The following AGBL4 variants were observed in gnomAD, a reference collection of about 807,000 sequenced individuals.
AGBL4 encodes AGBL carboxypeptidase 4.
A neutral mutation model predicts 66.4 loss-of-function variants in AGBL4; 58 were observed. The ratio of observed to expected loss-of-function variants is 0.87; its 90% CI spans 0.71 to 1.09. The LOEUF is 1.09. Among genes scored for constraint, AGBL4 ranks in the 50% least tolerant of loss-of-function variants. The pLI is 0.00. For synonymous variants in AGBL4, 234 were observed against 222.9 expected (o/e 1.05, Z -0.44); for missense variants, 579 against 631.0 (o/e 0.92, Z 0.88).
chr1:49,162,803 T>C (rs985460775), intron 4 of AGBL4, among the ~76,000 whole-genome samples: 1 of 152,196 alleles, frequency 6.6e-6, no homozygotes, highest in Non-Finnish European at 1.5e-5. Context: ...GTCCTCAATA[T>C]AATTGTGAGA....
At position 48,736,488 on chromosome 1, in the gene AGBL4, C is replaced by T. The variant is rs145843040; in HGVS notation, c.635-73247G>A. 370 of 1,579,052 alleles carry T rather than the reference C, an allele frequency of 2.3e-4. No individual in the cohort carries two copies. In the East Asian group the frequency reaches 3.3e-3, roughly 14 times the overall value. ...TAAGAACACCAGCACCTGTTTAGTC[C>T]GACAGGAGGGCAGTGGGAGGCTTCT... On this transcript the variant is annotated intron_variant, in intron 6 of 13. Transcript: ENST00000371839. The surrounding 1 kb of genome is among the most constrained non-coding windows in gnomAD (Gnocchi z 4.0).
rs543645975 is a variant in AGBL4, at chr1:49,583,246, T to C, written c.282+114067A>G. On this transcript the variant is annotated intron_variant, in intron 3 of 13. Transcript: ENST00000371839. Reference sequence around the variant, plus strand: ...TATGGGGCTTTAAGAGCTTCTGGGATGGTGAACATATCCACATACTAAGAG... The same window carrying C: ...TATGGGGCTTTAAGAGCTTCTGGGACGGTGAACATATCCACATACTAAGAG... Among the ~76,000 whole-genome samples the C allele has an allele frequency of 8.1e-4, 124 of 152,290 alleles. 1 individual carries two copies. Among genetic ancestry groups the C allele is most frequent in the African/African-American group, 2.9e-3 (122 of 41,572 alleles).
At chr1:48,643,723 G>A (rs896417781) in intron 8 of AGBL4, among the ~76,000 whole-genome samples, 16 of 152,164 alleles carry the variant, frequency 1.1e-4, no homozygotes, top group African/African-American at 1.7e-4. Context: ...CCATTCCCTC[G>A]TTTTCTCTTC....
chr1:49,659,179 G>C (rs2124483728), intron 3 of AGBL4, among the ~76,000 whole-genome samples: 1 of 151,978 alleles, frequency 6.6e-6, no homozygotes, highest in Admixed American at 6.6e-5. Flanking sequence ...AATATGGAAA[G>C]GAAATACCAT....
intron 2 of AGBL4, among the ~76,000 whole-genome samples, chr1:49,792,227 A>G (rs1644618574): frequency 6.6e-6 from 1 of 152,050 alleles, no homozygotes; most frequent in Non-Finnish European, 1.5e-5. Flanking sequence ...TCAGCAACTT[A>G]TAGATTTATT....
intron 4 of AGBL4, among the ~76,000 whole-genome samples, chr1:49,064,632 T>A (rs1644460936): frequency 6.6e-6 from 1 of 152,136 alleles, no homozygotes; most frequent in African/African-American, 2.4e-5. Flanking sequence ...TCTTACAAAT[T>A]AAAGAAATTG....
intron 4 of AGBL4, among the ~76,000 whole-genome samples, chr1:49,148,876 T>A (rs1048969363): frequency 6.6e-6 from 1 of 152,214 alleles, no homozygotes; most frequent in Non-Finnish European, 1.5e-5. Flanking sequence ...ATAAGATAGA[T>A]GCCTGGGTAA....
intron 3 of AGBL4, among the ~76,000 whole-genome samples, chr1:49,488,356 A>G (rs1430539067): frequency 6.6e-6 from 1 of 151,386 alleles, no homozygotes; most frequent in Non-Finnish European, 1.5e-5. Flanking sequence ...TGTATGATTC[A>G]TTCTAATAGT....
At chr1:49,693,616 G>A (rs1310948505) in intron 3 of AGBL4, among the ~76,000 whole-genome samples, 1 of 151,576 alleles carries the variant, frequency 6.6e-6, no homozygotes, top group Non-Finnish European at 1.5e-5. Context: ...TGTGTGGGGG[G>A]GTGCTTTTTC....
intron 1 of AGBL4, among the ~76,000 whole-genome samples, chr1:49,974,926 A>T (rs1214087561): frequency 6.6e-6 from 1 of 152,210 alleles, no homozygotes; most frequent in East Asian, 1.9e-4. Flanking sequence ...ATAAATATGC[A>T]GGAAATATTT....
intron 3 of AGBL4, among the ~76,000 whole-genome samples, chr1:49,317,303 C>G (rs1271386275): frequency 3.3e-5 from 5 of 151,818 alleles, no homozygotes; most frequent in Admixed American, 3.3e-4. Flanking sequence ...ATACCTCGAG[C>G]TATTTACTTT....
At chr1:49,680,561 T>C (rs958128359) in intron 3 of AGBL4, among the ~76,000 whole-genome samples, 6 of 152,128 alleles carry the variant, frequency 3.9e-5, no homozygotes, top group Non-Finnish European at 8.8e-5. Flanking sequence ...TATTGTGGGT[T>C]CCATGATCTC....
chr1:49,730,677 C>A (rs1649371128), intron 2 of AGBL4, among the ~76,000 whole-genome samples: 1 of 152,116 alleles, frequency 6.6e-6, no homozygotes, highest in South Asian at 2.1e-4. Flanking sequence ...TGATCCAGCC[C>A]TGGGCGAAGC....
intron 2 of AGBL4, among the ~76,000 whole-genome samples, chr1:49,701,903 CTT>C (rs1647101515): frequency 1.3e-5 from 2 of 151,964 alleles, no homozygotes; most frequent in African/African-American, 2.4e-5. Context: ...TGTAACTATA[CTT>C]ATATCAGACA....
At chr1:49,035,762 C>G (rs1237003411) in intron 5 of AGBL4, among the ~76,000 whole-genome samples, 2 of 152,032 alleles carry the variant, frequency 1.3e-5, no homozygotes, top group Non-Finnish European at 2.9e-5. Context: ...GTGGGGAGCT[C>G]TCTCCTGCCC....
At chr1:49,259,387 T>C (rs1347327824) in intron 3 of AGBL4, among the ~76,000 whole-genome samples, 1 of 152,074 alleles carries the variant, frequency 6.6e-6, no homozygotes, top group Non-Finnish European at 1.5e-5. Context: ...TCAAGACCCA[T>C]CAGTGTGCTG....
Position 49,669,674 on chromosome 1 carries a change from T to C in AGBL4, c.282+27639A>G, listed in dbSNP as rs995123280. Among the ~76,000 whole-genome samples, 7 of 152,138 alleles carry C rather than the reference T, an allele frequency of 4.6e-5. No homozygotes were observed. In the East Asian group the frequency reaches 1.3e-3, roughly 29 times the overall value. The stretch of plus-strand genomic sequence containing the variant: ...AAGGGAAGAATAGAGAAAACAGTGA[T>C]TGACCAGTTATCTACCATGTACCAG... On this transcript the variant is annotated intron_variant, in intron 3 of 13. Coordinates refer to ENST00000371839, the MANE Select transcript of AGBL4 (RefSeq NM_032785.4).
At chr1:48,588,445 T>C (rs1463323209) in intron 10 of AGBL4, among the ~76,000 whole-genome samples, 1 of 152,164 alleles carries the variant, frequency 6.6e-6, no homozygotes, top group Non-Finnish European at 1.5e-5. Flanking sequence ...GAGGTGAAAA[T>C]AATATCTCTT....
At chr1:49,209,328 G>A (rs1359623644) in intron 4 of AGBL4, among the ~76,000 whole-genome samples, 1 of 152,008 alleles carries the variant, frequency 6.6e-6, no homozygotes, top group Non-Finnish European at 1.5e-5. Context: ...TTGGTTGAAA[G>A]AAATAATTTC....
Sources: allele counts gnomAD v4.1 joint callset (sites outside exome capture counted in the v4.1 genomes callset), GRCh38; gene constraint gnomAD v4.1.1; non-coding constraint Gnocchi (gnomAD v3.1); transcripts MANE v1.5; gene names NCBI Gene and HGNC (gene_info 2026-07-23, HGNC 2026-07-21).